DLGAP2: variants seen among roughly 807,000 people sequenced by gnomAD.
The protein encoded by DLGAP2 is disks large-associated protein 2.
A neutral mutation model predicts 100.3 loss-of-function variants in DLGAP2; 26 were observed. That is an observed-to-expected ratio of 0.26 (90% CI 0.19 to 0.36). The LOEUF (loss-of-function observed/expected upper bound fraction) is 0.36. Among genes scored for constraint, DLGAP2 ranks in the 10% least tolerant of loss-of-function variants. The probability of loss-of-function intolerance (pLI) is 1.00; values close to 1 mark genes in which losing one functional copy is unlikely to be tolerated. For synonymous variants in DLGAP2, 886 were observed against 630.1 expected (o/e 1.41, Z -6.08); for missense variants, 1,858 against 1,453.2 (o/e 1.28, Z -4.53).
intron 2 of DLGAP2, among the ~76,000 whole-genome samples, chr8:975,364 A>G (rs1173185341): frequency 2.0e-5 from 3 of 152,216 alleles, no homozygotes; most frequent in East Asian, 1.9e-4. Context: ...GAAGACAGAA[A>G]TAGAGGGAAT....
At chr8:1,339,280 TGC>T (rs1801365248) in intron 3 of DLGAP2, among the ~76,000 whole-genome samples, 2 of 144,934 alleles carry the variant, frequency 1.4e-5, no homozygotes, top group African/African-American at 2.6e-5. Context: ...CGGGAGGGAA[TGC>T]AGTGACCTCA....
At chr8:1,678,098 C>G in intron 11 of DLGAP2, 116 bp from the exon 12 acceptor site, 1 of 1,226,512 alleles carries the variant, frequency 8.2e-7, no homozygotes, top group East Asian at 2.4e-5. Flanking sequence ...ACTACCTGCC[C>G]TTGAGCCGCC....
chr8:989,937 T>G (rs1243997481), intron 2 of DLGAP2, among the ~76,000 whole-genome samples: 1 of 152,130 alleles, frequency 6.6e-6, no homozygotes, highest in Non-Finnish European at 1.5e-5. Context: ...TGCAGTGAAA[T>G]GTCGCTGTTG....
intron 9 of DLGAP2, 112 bp downstream of exon 9, chr8:1,668,790 C>G: frequency 1.0e-6 from 1 of 1,002,180 alleles, no homozygotes; most frequent in Non-Finnish European, 1.4e-6. Context: ...GACTGTAACC[C>G]CAGCAGGGCT....
chr8:853,838 G>A (rs138604166), intron 1 of DLGAP2, among the ~76,000 whole-genome samples: 77 of 152,272 alleles, frequency 5.1e-4, no homozygotes, highest in African/African-American at 1.8e-3. Flanking sequence ...TCTGTGGTGG[G>A]CTGAAGGTTT....
chr8:1,390,977 G>A (rs1563122381), intron 3 of DLGAP2, among the ~76,000 whole-genome samples: 5 of 152,324 alleles, frequency 3.3e-5, no homozygotes, highest in South Asian at 2.1e-4. Context: ...CCCAGGGTCT[G>A]TGCTGGCAGG....
At chr8:1,680,247 A>G (rs1798912630) in intron 12 of DLGAP2, among the ~76,000 whole-genome samples, 2 of 152,220 alleles carry the variant, frequency 1.3e-5, no homozygotes, top group South Asian at 4.1e-4. Context: ...CTGAACTTCA[A>G]AAGGATAGCT....
intron 3 of DLGAP2, among the ~76,000 whole-genome samples, chr8:1,392,612 G>A (rs1393663066): frequency 6.6e-6 from 1 of 152,210 alleles, no homozygotes. Flanking sequence ...CATTTTAACT[G>A]TGACCCTACA....
intron 2 of DLGAP2, among the ~76,000 whole-genome samples, chr8:1,100,507 G>GGTGTGTGTGTGTGT (rs112136851): frequency 4.0e-5 from 6 of 151,078 alleles, no homozygotes; most frequent in South Asian, 2.1e-4. Context: ...TAGAGTTTGT[G>GGTGTGTGTGTGTGT]GTGTGTGTGT....
intron 1 of DLGAP2, among the ~76,000 whole-genome samples, chr8:766,311 C>T (rs535958699): frequency 3.9e-5 from 6 of 152,254 alleles, no homozygotes; most frequent in Admixed American, 6.5e-5. Flanking sequence ...CCAGTCAGCT[C>T]GTCACCCTGC....
intron 1 of DLGAP2, among the ~76,000 whole-genome samples, chr8:905,997 T>C (rs1798371997): frequency 6.6e-6 from 1 of 152,252 alleles, no homozygotes; most frequent in Admixed American, 6.5e-5. Flanking sequence ...AAGACATGTC[T>C]GTGGAATGGG....
intron 2 of DLGAP2, among the ~76,000 whole-genome samples, chr8:1,083,472 G>A (rs1337706083): frequency 3.9e-5 from 6 of 152,202 alleles, no homozygotes; most frequent in South Asian, 2.1e-4. Context: ...TCGAGTTTGT[G>A]TTGACCTTTT....
At chr8:993,853 A>G (rs1584954939) in intron 2 of DLGAP2, among the ~76,000 whole-genome samples, 1 of 105,678 alleles carries the variant, frequency 9.5e-6, no homozygotes, top group Admixed American at 1.4e-4. Flanking sequence ...GGGCCTTTCT[A>G]GGGCCTTTGA....
intron 1 of DLGAP2, among the ~76,000 whole-genome samples, chr8:831,909 G>A (rs188411979): frequency 0.036 from 5,449 of 150,580 alleles, 173 homozygotes; most frequent in African/African-American, 0.072. Flanking sequence ...TCACCATGCT[G>A]ACTGGCGTGA....
At chr8:1,245,950 G>A (rs896755462) in intron 2 of DLGAP2, among the ~76,000 whole-genome samples, 14 of 152,160 alleles carry the variant, frequency 9.2e-5, no homozygotes, top group African/African-American at 3.1e-4. Flanking sequence ...TGCCTGACAA[G>A]CAGGGAAGGC....
intron 3 of DLGAP2, among the ~76,000 whole-genome samples, chr8:1,410,357 A>G (rs989733802): frequency 6.6e-6 from 1 of 152,182 alleles, no homozygotes; most frequent in African/African-American, 2.4e-5. Flanking sequence ...CCTCACGGTG[A>G]GGAGCTCCCA....
In DLGAP2 at chr8:1,082,059, C is replaced by T. The variant is rs372243431; in HGVS notation, c.73+174093C>T. On this transcript the variant is annotated intron_variant, in intron 2 of 14. Transcript: ENST00000637795. The stretch of plus-strand genomic sequence containing the variant: ...CCCCCTCTGTGCAGGAAGAAATGCA[C>T]CTGGCAGTGGCGAGTCGTGTGATGT... 2.8e-4 allele frequency among the ~76,000 whole-genome samples: 43 copies of T among 152,302 alleles called. No homozygotes were observed. The East Asian group carries it at 4.6e-3, about 16-fold the overall frequency.
At chr8:972,608 A>AT (rs1554456162) in intron 2 of DLGAP2, among the ~76,000 whole-genome samples, 3 of 149,214 alleles carry the variant, frequency 2.0e-5, no homozygotes, top group South Asian at 2.1e-4. Flanking sequence ...TTTTTTTTGT[A>AT]TTTTTTTCTT....
chr8:1,075,936 C>T (rs185107701), intron 2 of DLGAP2, among the ~76,000 whole-genome samples: 19 of 152,072 alleles, frequency 1.2e-4, no homozygotes, highest in Admixed American at 1.2e-3. Flanking sequence ...AAAAAAGACC[C>T]GAAAAATCAC....
Sources: allele counts gnomAD v4.1 joint callset (sites outside exome capture counted in the v4.1 genomes callset), GRCh38; gene constraint gnomAD v4.1.1; transcripts MANE v1.5; gene names NCBI Gene and HGNC (gene_info 2026-07-23, HGNC 2026-07-21).